Variants in CPQ observed in about 807,000 individuals in gnomAD.
The protein encoded by CPQ is Ser-Met dipeptidase.
A neutral mutation model predicts 45.7 loss-of-function variants in CPQ; 37 were observed. The observed-to-expected ratio is 0.81, with a 90% confidence interval of 0.62 to 1.07. The LOEUF is 1.07. Among genes scored for constraint, CPQ ranks in the 50% least tolerant of loss-of-function variants. The probability of loss-of-function intolerance (pLI) is 0.00; values close to 1 mark genes in which losing one functional copy is unlikely to be tolerated. For missense variants in CPQ, 537 were observed against 572.9 expected (o/e 0.94, Z 0.64); for synonymous variants, 186 against 205.8 (o/e 0.90, Z 0.82).
intron 2 of CPQ, among the ~76,000 whole-genome samples, chr8:96,798,231 G>T (rs1810961264): frequency 6.6e-6 from 1 of 151,770 alleles, no homozygotes; most frequent in Admixed American, 6.6e-5. Flanking sequence ...CCAGGCTCAA[G>T]CAGTCCTCCC....
chr8:96,671,863 T>C (rs1183623496), intron 1 of CPQ, among the ~76,000 whole-genome samples: 1 of 152,196 alleles, frequency 6.6e-6, no homozygotes, highest in East Asian at 1.9e-4. Flanking sequence ...TCTTTCATTT[T>C]GATGAGAAAA....
rs1811029613 is a variant in CPQ at position 97,085,684 on chromosome 8, C to G, written c.1255+19474C>G. ...TTTTTCATTTAAAAGATAGGTACTG[C>G]CTTTGGACATTGTAAGCATCTCTTG... On this transcript the variant is annotated intron_variant, in intron 7 of 7. Coordinates refer to ENST00000220763, the MANE Select transcript of CPQ (RefSeq NM_016134.4). Among the ~76,000 whole-genome samples, 2 of 151,932 alleles carry G rather than the reference C, an allele frequency of 1.3e-5. 1 individual carries two copies. Among genetic ancestry groups the G allele is most frequent in the South Asian group, 4.2e-4 (2 of 4,808 alleles).
At chr8:96,782,882 G>GT (rs962144210) in intron 1 of CPQ, among the ~76,000 whole-genome samples, 3 of 152,120 alleles carry the variant, frequency 2.0e-5, no homozygotes, top group African/African-American at 4.8e-5. Context: ...CTTTAGCCAA[G>GT]TTTTTTGCCA....
intron 5 of CPQ, among the ~76,000 whole-genome samples, chr8:96,990,231 C>G (rs956806103): frequency 1.3e-5 from 2 of 152,156 alleles, no homozygotes; most frequent in Non-Finnish European, 2.9e-5. Context: ...CTCCCTAGAC[C>G]CCTTCAGGTC....
At position 97,132,896 on chromosome 8, in the gene CPQ, A is replaced by G. The variant is rs569800292; in HGVS notation, c.1256-10124A>G. 3.3e-5 allele frequency: 5 copies of G among 152,358 alleles called. No individual in the cohort carries two copies. The East Asian group carries it at 7.7e-4, about 24-fold the overall frequency. 9.4% of individuals were successfully genotyped at this position (152,358 alleles called of 1,614,324 possible). ...AAAGAGAGTGGGCAATAAATTCTGTATAGACAAAGGTGAACACAATAAACT... is the reference window on the plus strand; with the variant it reads ...AAAGAGAGTGGGCAATAAATTCTGTGTAGACAAAGGTGAACACAATAAACT... On this transcript the variant is annotated intron_variant, in intron 7 of 7. Transcript: ENST00000220763.
chr8:97,119,603 C>T (rs1232548547), intron 7 of CPQ, among the ~76,000 whole-genome samples: 1 of 152,142 alleles, frequency 6.6e-6, no homozygotes, highest in East Asian at 1.9e-4. Context: ...TGTTAGATGA[C>T]TCAGAAATGA....
chr8:97,132,579 G>A lies in CPQ; in HGVS notation c.1256-10441G>A, dbSNP rs1158509406. On this transcript the variant is annotated intron_variant, in intron 7 of 7. Coordinates refer to ENST00000220763, the MANE Select transcript of CPQ (RefSeq NM_016134.4). ...GTGGCTTTGTAACCTCCTTGTGTTT[G>A]TAGCCAGCTATCAAAAATCTGTCCA... is the stretch of plus-strand genomic sequence containing the variant. 2.6e-5 allele frequency among the ~76,000 whole-genome samples: 4 copies of A among 152,252 alleles called. 1 individual carries two copies. The highest frequency in any genetic ancestry group is 9.6e-5 in the African/African-American group (4 of 41,562).
intron 5 of CPQ, among the ~76,000 whole-genome samples, chr8:97,024,261 C>T (rs955264801): frequency 2.0e-5 from 3 of 152,026 alleles, no homozygotes; most frequent in Admixed American, 6.6e-5. Context: ...GCCTCCAGTT[C>T]GAGGAAACGG....
intron 7 of CPQ, among the ~76,000 whole-genome samples, chr8:97,100,243 C>T (rs1232555185): frequency 5.9e-5 from 9 of 152,074 alleles, no homozygotes; most frequent in African/African-American, 1.9e-4. Flanking sequence ...AATGGAGATC[C>T]AACAGCATAG....
intron 5 of CPQ, among the ~76,000 whole-genome samples, chr8:96,993,937 A>T (rs1178321597): frequency 6.6e-6 from 1 of 152,138 alleles, no homozygotes; most frequent in Non-Finnish European, 1.5e-5. Context: ...CTTGCTGTTA[A>T]TTGGGACCCT....
chr8:96,990,279 T>C (rs1809065162), intron 5 of CPQ, among the ~76,000 whole-genome samples: 1 of 152,198 alleles, frequency 6.6e-6, no homozygotes, highest in Admixed American at 6.5e-5. Flanking sequence ...TTTTAACTTC[T>C]CAACCAGATG....
At chr8:96,802,087 TA>T (rs1018521535) in intron 2 of CPQ, among the ~76,000 whole-genome samples, 2 of 152,152 alleles carry the variant, frequency 1.3e-5, no homozygotes, top group Non-Finnish European at 1.5e-5. Context: ...TCTTTCTCTT[TA>T]TCTCCCTCTC....
At chr8:96,863,522 G>T (rs1811958927) in intron 3 of CPQ, among the ~76,000 whole-genome samples, 1 of 151,990 alleles carries the variant, frequency 6.6e-6, no homozygotes, top group Admixed American at 6.6e-5. Flanking sequence ...GAAGGTGAGG[G>T]TAAAGGGAAG....
chr8:97,124,939 A>T (rs1811820631), intron 7 of CPQ, among the ~76,000 whole-genome samples: 1 of 152,162 alleles, frequency 6.6e-6, no homozygotes, highest in African/African-American at 2.4e-5. Context: ...GAAAATAATA[A>T]ATAATAGAGA....
intron 5 of CPQ, among the ~76,000 whole-genome samples, chr8:96,979,794 A>G (rs1266885213): frequency 6.6e-6 from 1 of 152,152 alleles, no homozygotes; most frequent in Non-Finnish European, 1.5e-5. Context: ...GTGACAGGAT[A>G]AAGAAAGTAT....
chr8:96,716,266 T>G (rs1300770868), intron 1 of CPQ, among the ~76,000 whole-genome samples: 1 of 152,210 alleles, frequency 6.6e-6, no homozygotes, highest in Non-Finnish European at 1.5e-5. Context: ...TAGCAGTGGA[T>G]TTTTTGTTGT....
intron 6 of CPQ, among the ~76,000 whole-genome samples, chr8:97,051,139 A>G (rs1810353826): frequency 6.6e-6 from 1 of 152,122 alleles, no homozygotes; most frequent in South Asian, 2.1e-4. Context: ...CATAATCACC[A>G]TTACTACCTT....
At chr8:97,085,172 C>T (rs1811020127) in intron 7 of CPQ, among the ~76,000 whole-genome samples, 1 of 151,970 alleles carries the variant, frequency 6.6e-6, no homozygotes, top group Non-Finnish European at 1.5e-5. Context: ...TTGCCTGAGC[C>T]TAGGAGTTCA....
intron 2 of CPQ, among the ~76,000 whole-genome samples, chr8:96,791,587 G>C (rs990541823): frequency 6.6e-6 from 1 of 152,104 alleles, no homozygotes; most frequent in Non-Finnish European, 1.5e-5. Flanking sequence ...CCCACTCCTC[G>C]TTCCATGGGG....
Sources: gnomAD v4.1 joint callset for allele counts (sites outside exome capture counted in the v4.1 genomes callset) on GRCh38, gnomAD v4.1.1 for gene constraint, MANE v1.5 for transcripts, NCBI Gene and HGNC (gene_info 2026-07-23, HGNC 2026-07-21) for gene names.